The following C6 variants were observed in gnomAD, a reference collection of about 807,000 sequenced individuals.
The protein encoded by C6 is complement component C6.
A neutral mutation model predicts 112.9 loss-of-function variants in C6; 101 were observed. That is an observed-to-expected ratio of 0.89 (90% confidence interval 0.76 to 1.06). The LOEUF is 1.06. Ranked by LOEUF, C6 falls within the 50% of genes least tolerant of loss-of-function variation. The pLI, the probability that C6 is intolerant of heterozygous loss-of-function variation, is 0.00. For synonymous variants in C6, 431 were observed against 384.1 expected (o/e 1.12, Z -1.43); for missense variants, 1,202 against 1,104.6 (o/e 1.09, Z -1.25).
chr5:41,143,787 G>A (rs1745567679), intron 17 of C6, among the ~76,000 whole-genome samples: 1 of 152,102 alleles, frequency 6.6e-6, no homozygotes, highest in Non-Finnish European at 1.5e-5. Context: ...TATGCCTGGG[G>A]ATCTGTATTT....
intron 1 of C6, among the ~76,000 whole-genome samples, chr5:41,204,285 G>T (rs1751255177): frequency 6.6e-6 from 1 of 152,236 alleles, no homozygotes; most frequent in Non-Finnish European, 1.5e-5. Context: ...CAGTAAGAAG[G>T]TTCATGTAAA....
At chr5:41,253,928 G>A (rs1217441191) in intron 1 of C6, among the ~76,000 whole-genome samples, 1 of 152,034 alleles carries the variant, frequency 6.6e-6, no homozygotes, top group Non-Finnish European at 1.5e-5. Flanking sequence ...GTGTAATTTG[G>A]GATTTTATAA....
Position 41,153,981 on chromosome 5 carries a change from G to T in C6, c.2119C>A (p.Pro707Thr). 1 of 1,613,616 alleles carries T rather than the reference G, an allele frequency of 6.2e-7. No homozygotes were observed. Among genetic ancestry groups the T allele is most frequent in the Non-Finnish European group, 8.5e-7 (1 of 1,179,668 alleles). ...ATTGTCAGGACTTCCTGCACAACTG[G>T]CTTGATGCACTCCGTCCCTGCAAGA... ...VECQRTECIK[P>T]VVQEVLTITP... is the part of the protein sequence containing the mutation. The change falls in exon 15 of 18, where the codon CCA (proline) becomes ACA (threonine). Residue 707 changes from proline to threonine, a missense_variant. Pro to Thr is a conservative substitution (Grantham distance 38). Transcript: ENST00000337836.
intron 13 of C6, among the ~76,000 whole-genome samples, chr5:41,158,008 C>A (rs1394051320): frequency 6.6e-6 from 1 of 151,960 alleles, no homozygotes. Context: ...AAGTGTGATA[C>A]AGTTGGGAAA....
At chr5:41,249,463 C>T (rs1741212038) in intron 1 of C6, among the ~76,000 whole-genome samples, 1 of 152,168 alleles carries the variant, frequency 6.6e-6, no homozygotes, top group African/African-American at 2.4e-5. Context: ...TATCCAACCT[C>T]TACTTTACTT....
At chr5:41,234,777 A>G (rs2150417141) in intron 1 of C6, among the ~76,000 whole-genome samples, 1 of 152,318 alleles carries the variant, frequency 6.6e-6, no homozygotes, top group South Asian at 2.1e-4. Context: ...TAATCATGAG[A>G]AACTAAGAAA....
Position 41,155,074 on chromosome 5 carries a change from C to T in C6, c.1999G>A (p.Asp667Asn). ...NEKQLYLVGE[D>N]VEISCLTGFE... is the part of the protein sequence containing the mutation. The stretch of plus-strand genomic sequence containing the variant: ...CCAGTAAGGCATGAAATTTCAACAT[C>T]TTCTCCAACCAAGTATAGTTGCTTT... The change falls in exon 14 of 18, where the codon GAT (aspartate) becomes AAT (asparagine). Residue 667 changes from aspartate (D) to asparagine (N), a missense_variant. By Grantham distance (23) the Asp-to-Asn change is conservative (BLOSUM62 1). Transcript: ENST00000337836. 6.2e-7 allele frequency: 1 copy of T among 1,613,682 alleles called. No homozygotes were observed. Among genetic ancestry groups the T allele is most frequent in the Non-Finnish European group, 8.5e-7 (1 of 1,179,688 alleles).
intron 4 of C6, 144 bp from the exon 5 acceptor site, chr5:41,196,077 T>C (rs1750595915): frequency 8.6e-6 from 8 of 925,114 alleles, no homozygotes; most frequent in Non-Finnish European, 1.3e-5. Flanking sequence ...AGGGAGCACA[T>C]AAAAATGGAG....
At chr5:41,252,681 G>A (rs1286063758) in intron 1 of C6, among the ~76,000 whole-genome samples, 1 of 152,102 alleles carries the variant, frequency 6.6e-6, no homozygotes, top group Non-Finnish European at 1.5e-5. Flanking sequence ...CTGATTCAGG[G>A]GAAATTTAAG....
chr5:41,183,678 C>A (rs989918565), intron 6 of C6, among the ~76,000 whole-genome samples: 7 of 152,168 alleles, frequency 4.6e-5, no homozygotes, highest in African/African-American at 1.7e-4. Context: ...GACACATGCA[C>A]TTGCATGTTT....
At chr5:41,201,219 T>C (rs1751008637) in intron 3 of C6, among the ~76,000 whole-genome samples, 2 of 152,094 alleles carry the variant, frequency 1.3e-5, no homozygotes, top group African/African-American at 4.8e-5. Flanking sequence ...CCAAAACACT[T>C]CTGATACCAA....
At chr5:41,174,833 A>G (rs1043962928) in intron 8 of C6, among the ~76,000 whole-genome samples, 1 of 152,184 alleles carries the variant, frequency 6.6e-6, no homozygotes, top group Non-Finnish European at 1.5e-5. Flanking sequence ...GGGAGAGAGA[A>G]TAGGAGGAGA....
At chr5:41,170,045 G>A (rs1251465365) in intron 9 of C6, among the ~76,000 whole-genome samples, 1 of 151,916 alleles carries the variant, frequency 6.6e-6, no homozygotes, top group Non-Finnish European at 1.5e-5. Context: ...TTGCATATTT[G>A]AACAATATTT....
At position 41,204,957 on chromosome 5, in the gene C6, TA is replaced by T. The variant is rs1433810006; in HGVS notation, c.-20-1708del. On this transcript the variant is annotated intron_variant, in intron 1 of 17. Coordinates refer to ENST00000337836, the MANE Select transcript of C6 (RefSeq NM_000065.5). The stretch of plus-strand genomic sequence containing the variant: ...GTGCTGGGATTATCAGTAAGCTTTT[TA>T]AACTCTTCTACAAGCTCAAAGAAAA... Among the ~76,000 whole-genome samples the T allele has an allele frequency of 5.9e-5, 9 of 152,264 alleles. No individual in the cohort carries two copies. The Middle Eastern group carries it at 0.024, about 403-fold the overall frequency.
At chr5:41,147,088 T>C (rs904833326) in intron 17 of C6, among the ~76,000 whole-genome samples, 1 of 152,166 alleles carries the variant, frequency 6.6e-6, no homozygotes, top group Non-Finnish European at 1.5e-5. Flanking sequence ...AATTTTATTT[T>C]CTCTATGTAT....
chr5:41,213,199 A>T (rs181399879), intron 1 of C6, among the ~76,000 whole-genome samples, 177 bp downstream of exon 1: 2 of 152,290 alleles, frequency 1.3e-5, no homozygotes, highest in East Asian at 3.9e-4. Context: ...CATTTGTTTA[A>T]AAAACATGAC....
chr5:41,207,296 A>G (rs1319867272), intron 1 of C6, among the ~76,000 whole-genome samples: 4 of 152,236 alleles, frequency 2.6e-5, no homozygotes, highest in African/African-American at 9.6e-5. Flanking sequence ...AAGACCATCA[A>G]TGCTAGGAAG....
intron 13 of C6, among the ~76,000 whole-genome samples, 197 bp from the exon 14 acceptor site, chr5:41,155,301 C>A (rs1159640648): frequency 6.6e-6 from 1 of 152,082 alleles, no homozygotes; most frequent in African/African-American, 2.4e-5. Flanking sequence ...GATATTTATT[C>A]TTTCTTACTA....
chr5:41,211,988 A>T (rs2150393759), intron 1 of C6, among the ~76,000 whole-genome samples: 1 of 152,318 alleles, frequency 6.6e-6, no homozygotes, highest in African/African-American at 2.4e-5. Context: ...AAATATTCTG[A>T]TCGCTCTTTA....
Sources: gnomAD v4.1 joint callset for allele counts (sites outside exome capture counted in the v4.1 genomes callset) on GRCh38, gnomAD v4.1.1 for gene constraint, MANE v1.5 for transcripts, NCBI Gene and HGNC (gene_info 2026-07-23, HGNC 2026-07-21) for gene names.